Variants in KDM1A observed in about 807,000 individuals in gnomAD.
KDM1A encodes lysine demethylase 1A.
In KDM1A, 49 loss-of-function variants were observed where a neutral mutation model predicts 109.4. That is an observed-to-expected ratio of 0.45 (90% CI 0.36 to 0.57). The LOEUF (loss-of-function observed/expected upper bound fraction) is 0.57, where lower values mean the gene tolerates loss of function less well. Ranked by LOEUF, KDM1A falls within the 20% of genes least tolerant of loss-of-function variation. The probability of loss-of-function intolerance (pLI) is 0.00; values close to 1 mark genes in which losing one functional copy is unlikely to be tolerated. For synonymous variants in KDM1A, 380 were observed against 415.4 expected (o/e 0.91, Z 1.04); for missense variants, 668 against 1,116.6 (o/e 0.60, Z 5.73).
chr1:23,019,582 GC>G lies in KDM1A; in HGVS notation c.-12del. On this transcript the variant is annotated 5_prime_UTR_variant, in exon 1 of 21. Coordinates refer to ENST00000400181, the MANE Select transcript of KDM1A (RefSeq NM_001009999.3). ...CGAGCGGCCCCTACGGCCGTCGGCG[GC>G]CCGGCGGCCCGAGATGTTATCTGGG... 10 of 1,399,154 alleles carry G rather than the reference GC, an allele frequency of 7.1e-6. No individual in the cohort carries two copies. Among genetic ancestry groups the G allele is most frequent in the Non-Finnish European group, 7.4e-6 (8 of 1,085,484 alleles). 86.7% of individuals were successfully genotyped at this position (1,399,154 alleles called of 1,614,324 possible).
chr1:23,059,567 A>G (rs553901940), intron 9 of KDM1A, among the ~76,000 whole-genome samples: 36 of 152,212 alleles, frequency 2.4e-4, no homozygotes, highest in Admixed American at 1.7e-3. Context: ...TTCTGTGTTC[A>G]TAGGCTAACA....
At chr1:23,042,673 C>T (rs1421582006) in intron 2 of KDM1A, among the ~76,000 whole-genome samples, 3 of 150,954 alleles carry the variant, frequency 2.0e-5, no homozygotes, top group Non-Finnish European at 4.4e-5. Context: ...GGGATGGTCT[C>T]GATCTCCTGA....
chr1:23,080,217 G>C (rs1356347402), intron 18 of KDM1A, among the ~76,000 whole-genome samples: 1 of 152,098 alleles, frequency 6.6e-6, no homozygotes, highest in Non-Finnish European at 1.5e-5. Context: ...CCCATCCCCA[G>C]TTCTTTCCAT....
At chr1:23,024,828 A>T (rs1641746187) in intron 1 of KDM1A, among the ~76,000 whole-genome samples, 1 of 152,230 alleles carries the variant, frequency 6.6e-6, no homozygotes, top group Non-Finnish European at 1.5e-5. Context: ...TGTAAAGTTT[A>T]GATATAATAT....
intron 2 of KDM1A, among the ~76,000 whole-genome samples, chr1:23,036,909 T>A (rs950040361): frequency 6.6e-6 from 1 of 152,116 alleles, no homozygotes; most frequent in African/African-American, 2.4e-5. Context: ...TATTGTACGA[T>A]GATAATTATT....
intron 2 of KDM1A, among the ~76,000 whole-genome samples, chr1:23,037,311 A>C (rs891376348): frequency 1.3e-5 from 2 of 151,876 alleles, no homozygotes; most frequent in Non-Finnish European, 2.9e-5. Flanking sequence ...CTCAAAAAAA[A>C]AAAAAAAAAA....
At chr1:23,081,809 A>C in intron 19 of KDM1A, 1 of 492,262 alleles carries the variant, frequency 2.0e-6, no homozygotes, top group Non-Finnish European at 3.6e-6. Flanking sequence ...CTTTAGAGTC[A>C]CACCAGATCC....
In KDM1A at chr1:23,081,391, G is replaced by GT. The variant is rs1643617414; in HGVS notation, c.2171-50dup. ...GAATAAGGTGGGGCCTGATAAGGAA[G>GT]TTTTTGAGGAAAGTCTGTAGGAAAA... On this transcript the variant is annotated intron_variant, in intron 18 of 20. Coordinates refer to ENST00000400181, the MANE Select transcript of KDM1A (RefSeq NM_001009999.3). 12 of 1,602,624 alleles carry GT rather than the reference G, an allele frequency of 7.5e-6. No individual in the cohort carries two copies. The East Asian group carries it at 2.7e-4, about 36-fold the overall frequency.
intron 15 of KDM1A, among the ~76,000 whole-genome samples, chr1:23,077,020 G>A (rs1643486163): frequency 6.6e-6 from 1 of 150,756 alleles, no homozygotes; most frequent in Admixed American, 6.6e-5. Context: ...ACTACCCGAA[G>A]ATTTAGGGAC....
intron 3 of KDM1A, among the ~76,000 whole-genome samples, chr1:23,048,275 T>A (rs1642560636): frequency 6.6e-6 from 1 of 152,148 alleles, no homozygotes; most frequent in Non-Finnish European, 1.5e-5. Context: ...TTATTTATTT[T>A]GATTTGGGAA....
chr1:23,048,372 T>C (rs1018543466), intron 3 of KDM1A, among the ~76,000 whole-genome samples: 8 of 152,242 alleles, frequency 5.3e-5, no homozygotes, highest in Non-Finnish European at 1.0e-4. Flanking sequence ...GCATTTCTTC[T>C]TTTCTTGCTG....
chr1:23,073,435 C>A, intron 15 of KDM1A, 32 bp downstream of exon 15: 1 of 1,218,502 alleles, frequency 8.2e-7, no homozygotes. Context: ...TTTTATTGCA[C>A]ATGCCTTTGA....
chr1:23,056,111 A>G, intron 7 of KDM1A, 73 bp downstream of exon 7: 1 of 987,418 alleles, frequency 1.0e-6, no homozygotes, highest in Non-Finnish European at 1.6e-6. Context: ...GTTGCAAATT[A>G]AAGAATTATA....
intron 10 of KDM1A, among the ~76,000 whole-genome samples, chr1:23,066,566 G>A (rs1172588139): frequency 6.6e-6 from 1 of 151,950 alleles, no homozygotes; most frequent in Non-Finnish European, 1.5e-5. Flanking sequence ...TTGCACACTT[G>A]TGTTTGACAC....
At position 23,083,205 on chromosome 1, in the gene KDM1A, A is replaced by C. The variant is rs1643673479; in HGVS notation, c.2472A>C (p.Gly824=). 6.2e-7 allele frequency: 1 copy of C among 1,611,888 alleles called. No homozygotes were observed. The highest frequency in any genetic ancestry group is 1.1e-5 in the South Asian group (1 of 90,984). ...CGATTCCACGACTCTTCTTTGCGGGAGAACATACGATCCGTAACTACCCAG... is the reference window on the plus strand; with the variant it reads ...CGATTCCACGACTCTTCTTTGCGGGCGAACATACGATCCGTAACTACCCAG... The part of the protein sequence containing the change: ...PQPIPRLFFA[G]EHTIRNYPAT... The change falls in exon 21 of 21, where the codon GGA becomes GGC. Residue 824 remains glycine (G), a synonymous_variant. Transcript: ENST00000400181.
At chr1:23,055,260 TC>T in intron 6 of KDM1A, 99 bp downstream of exon 6, 1 of 526,838 alleles carries the variant, frequency 1.9e-6, no homozygotes, top group East Asian at 3.0e-5. Flanking sequence ...TTATTTTGAT[TC>T]ATAAGACTAT....
chr1:23,060,164 A>G (rs547626910), intron 9 of KDM1A, among the ~76,000 whole-genome samples: 1 of 152,348 alleles, frequency 6.6e-6, no homozygotes, highest in East Asian at 1.9e-4. Context: ...ATGAGAGAGA[A>G]AGGATGAAAT....
In KDM1A at chr1:23,079,571, C is replaced by T; in HGVS notation, c.2074C>T (p.Arg692Trp). 4.3e-6 allele frequency: 7 copies of T among 1,613,494 alleles called. No homozygotes were observed. The highest frequency in any genetic ancestry group is 5.1e-6 in the Non-Finnish European group (6 of 1,179,738). ...ATGGTAGGTGGTGTTGTGTTTTGAT[C>T]GGGTGTTCTGGGATCCAAGTGTCAA... Reference protein sequence around the residue: ...NLNKVVLCFDRVFWDPSVNLF... With the variant: ...NLNKVVLCFDWVFWDPSVNLF... Residue 692 changes from arginine to tryptophan, a missense_variant, in exon 18 of 21, where the codon CGG (arginine) becomes TGG (tryptophan). Physicochemically the swap from Arg to Trp is moderately radical, Grantham distance 101. Around this residue, in one of 8 missense-constraint regions of KDM1A, gnomAD observed 162 missense variants for 376.4 expected, o/e 0.43. Transcript: ENST00000400181. The surrounding 1 kb of genome is among the most constrained non-coding windows in gnomAD (Gnocchi z 5.6).
At chr1:23,060,866 A>G (rs926768816) in intron 9 of KDM1A, among the ~76,000 whole-genome samples, 7 of 152,192 alleles carry the variant, frequency 4.6e-5, no homozygotes, top group African/African-American at 1.2e-4. Context: ...ATAGTAGGCA[A>G]TAAGTACAGA....
Sources: gnomAD v4.1 joint callset for allele counts (sites outside exome capture counted in the v4.1 genomes callset) on GRCh38, gnomAD v4.1.1 for gene constraint, gnomAD v4.1.1 regional missense constraint, Gnocchi (gnomAD v3.1) non-coding constraint, MANE v1.5 for transcripts, NCBI Gene and HGNC (gene_info 2026-07-23, HGNC 2026-07-21) for gene names.